Variants in AGPAT2 observed in about 807,000 individuals in gnomAD.
AGPAT2 encodes 1-acyl-sn-glycerol-3-phosphate acyltransferase beta.
A neutral mutation model predicts 26.1 loss-of-function variants in AGPAT2; 18 were observed. That is an observed-to-expected ratio of 0.69 (90% CI 0.48 to 1.02). The LOEUF is 1.02. Among genes scored for constraint, AGPAT2 ranks in the 50% least tolerant of loss-of-function variants. The pLI is 0.00. For missense variants in AGPAT2, 415 were observed against 394.9 expected (o/e 1.05, Z -0.43); for synonymous variants, 200 against 174.2 (o/e 1.15, Z -1.16).
In AGPAT2 at chr9:136,687,421, G is replaced by T. The variant is rs1433159266; in HGVS notation, c.-64C>A. On this transcript the variant is annotated 5_prime_UTR_variant, in exon 1 of 6. Transcript: ENST00000371696. ...CCGCTCCCGCTCCCGCTTCTCCCCC[G>T]CGCGCTCAGGCCCCTTATTGCGAGG... 7.5e-7 allele frequency: 1 copy of T among 1,330,738 alleles called. No homozygotes were observed. Among genetic ancestry groups the T allele is most frequent in the Non-Finnish European group, 9.6e-7 (1 of 1,036,572 alleles). 82.4% of individuals were successfully genotyped at this position (1,330,738 alleles called of 1,614,324 possible).
chr9:136,676,913 C>T lies in AGPAT2; in HGVS notation c.492+48G>A, dbSNP rs762163252. 4.5e-5 allele frequency: 68 copies of T among 1,494,590 alleles called. 1 individual carries two copies. The Admixed American group carries it at 5.5e-4, about 12-fold the overall frequency. 92.6% of individuals were successfully genotyped at this position (1,494,590 alleles called of 1,614,324 possible). ...TCACAAGCTGGCCCCTGCCTGGCCC[C>T]GCCCAGGCCCCACCCCAACCCCACC... On this transcript the variant is annotated intron_variant, in intron 3 of 5. Transcript: ENST00000371696.
rs199964729 is a variant in AGPAT2 at position 136,673,932 on chromosome 9, G to T, written c.662-5C>A. On this transcript the variant is annotated splice_polypyrimidine_tract_variant and splice_region_variant and intron_variant, in intron 5 of 5. Transcript: ENST00000371696. Reference sequence around the variant, plus strand: ...GCACCTGCACTGTGACTGTTCCTGTGGGGGAAGCAACAGACCTCAGTGGCC... The same window carrying T: ...GCACCTGCACTGTGACTGTTCCTGTTGGGGAAGCAACAGACCTCAGTGGCC... The T allele has an allele frequency of 6.4e-6, 10 of 1,554,600 alleles. No individual in the cohort carries two copies. In the African/African-American group the frequency reaches 6.8e-5, roughly 11 times the overall value.
At chr9:136,683,056 T>G in intron 1 of AGPAT2, among the ~76,000 whole-genome samples, 1 of 42,400 alleles carries the variant, frequency 2.4e-5, no homozygotes, top group African/African-American at 9.2e-5. Flanking sequence ...GTGATGGGGA[T>G]GACTAGGGGG....
chr9:136,684,978 C>T (rs780863587), intron 1 of AGPAT2, among the ~76,000 whole-genome samples: 2 of 152,174 alleles, frequency 1.3e-5, no homozygotes, highest in East Asian at 3.9e-4. Context: ...ACGGCCCCCA[C>T]GGAGGGAACG....
intron 1 of AGPAT2, among the ~76,000 whole-genome samples, chr9:136,683,014 G>A (rs564575725): frequency 6.7e-5 from 10 of 150,208 alleles, no homozygotes; most frequent in African/African-American, 2.2e-4. Context: ...GGGCACCATC[G>A]GGCCAGGGCA....
In AGPAT2 at chr9:136,676,283, C is replaced by T. The variant is rs745468113; in HGVS notation, c.588+302G>A. Among the ~76,000 whole-genome samples the T allele has an allele frequency of 5.9e-5, 9 of 152,164 alleles. 1 individual carries two copies. The highest frequency in any genetic ancestry group is 3.9e-4 in the Admixed American group (6 of 15,282). On this transcript the variant is annotated intron_variant, in intron 4 of 5. Coordinates refer to ENST00000371696, the MANE Select transcript of AGPAT2 (RefSeq NM_006412.4). ...CCTCCTGAGAGCTCTGCAGCAGAGG[C>T]GAGCGGCCCGGCTCCCCACCCCTCT...
rs576001545 is a variant in AGPAT2 at position 136,687,144 on chromosome 9, C to T, written c.182+32G>A. ...GGGAAGCGGAAGCGGCGCGGCGGTT[C>T]CCCGGCCCCTCCCGGCGGCCCCCGG... On this transcript the variant is annotated intron_variant, in intron 1 of 5. Transcript: ENST00000371696. 62 of 1,566,124 alleles carry T rather than the reference C, an allele frequency of 4.0e-5. No homozygotes were observed. The African/African-American group carries it at 7.9e-4, about 20-fold the overall frequency.
chr9:136,676,724 C>G (rs769960616), intron 3 of AGPAT2, 44 bp from the exon 4 acceptor site: 1 of 1,578,064 alleles, frequency 6.3e-7, no homozygotes, highest in South Asian at 1.1e-5. Context: ...GCCCAGGCCA[C>G]CCCAGAAAGG....
In AGPAT2 at chr9:136,674,736, TG is replaced by T; in HGVS notation, c.659del (p.Ser220Ter). 1 of 1,493,316 alleles carries T rather than the reference TG, an allele frequency of 6.7e-7. No individual in the cohort carries two copies. Among genetic ancestry groups the T allele is most frequent in the Non-Finnish European group, 9.0e-7 (1 of 1,115,518 alleles). 92.5% of individuals were successfully genotyped at this position (1,493,316 alleles called of 1,614,324 possible). Reference sequence around the variant, plus strand: ...CCGGGTGCACACATGTGGGGGTACCTGAAGTGAAGAACTTCTTCTTGGTGTT... The same window carrying T: ...CCGGGTGCACACATGTGGGGGTACCTAAGTGAAGAACTTCTTCTTGGTGTT... ...FYNTKKKFFT[S>X]GTVTVQVLEA... is the part of the protein sequence containing the mutation. On this transcript the variant is annotated frameshift_variant and splice_region_variant, in exon 5 of 6. Transcript: ENST00000371696. LOFTEE classifies it low-confidence loss of function (END_TRUNC).
intron 5 of AGPAT2, among the ~76,000 whole-genome samples, 180 bp downstream of exon 5, chr9:136,674,555 G>GGGCCATGA (rs947105402): frequency 1.3e-5 from 2 of 152,250 alleles, no homozygotes; most frequent in Admixed American, 1.3e-4. Flanking sequence ...CCATCTCACA[G>GGGCCATGA]GGCCATGAGG....
chr9:136,675,920 AGT>A (rs1846084692), intron 4 of AGPAT2, among the ~76,000 whole-genome samples: 1 of 152,130 alleles, frequency 6.6e-6, no homozygotes, highest in Non-Finnish European at 1.5e-5. Context: ...ACTAGTGGCC[AGT>A]GTGAGGGAAG....
Position 136,673,524 on chromosome 9 carries a change from G to A in AGPAT2, c.*228C>T, listed in dbSNP as rs1696537692. ...GCTCCCAGAGGTGCCGTGGGCGCGA[G>A]TCCCTGCCCTCGAGCCCGGGGAGGG... On this transcript the variant is annotated 3_prime_UTR_variant, in exon 6 of 6. Coordinates refer to ENST00000371696, the MANE Select transcript of AGPAT2 (RefSeq NM_006412.4). 2 of 431,920 alleles carry A rather than the reference G, an allele frequency of 4.6e-6. No individual in the cohort carries two copies. Among genetic ancestry groups the A allele is most frequent in the Non-Finnish European group, 8.1e-6 (2 of 248,330 alleles). 26.8% of individuals were successfully genotyped at this position (431,920 alleles called of 1,614,324 possible).
intron 1 of AGPAT2, among the ~76,000 whole-genome samples, chr9:136,679,133 G>A (rs568509532): frequency 3.1e-4 from 47 of 152,294 alleles, no homozygotes; most frequent in African/African-American, 9.6e-4. Context: ...GTTCATGGGC[G>A]CTGGGCACAT....
At chr9:136,678,183 T>G (rs987297052) in intron 1 of AGPAT2, among the ~76,000 whole-genome samples, 31 of 152,030 alleles carry the variant, frequency 2.0e-4, no homozygotes, top group Non-Finnish European at 2.1e-4. Context: ...GCTCGGGGCT[T>G]GTCTGAGGTC....
At chr9:136,676,515 G>T in intron 4 of AGPAT2, 70 bp downstream of exon 4, 1 of 1,294,140 alleles carries the variant, frequency 7.7e-7, no homozygotes, top group Non-Finnish European at 1.1e-6. Context: ...GTGGTCACCT[G>T]CTGCCTTAAG....
At chr9:136,674,714 G>A (rs747671693) in intron 5 of AGPAT2, 21 bp downstream of exon 5, 6 of 1,431,496 alleles carry the variant, frequency 4.2e-6, no homozygotes, top group Non-Finnish European at 5.5e-6. Flanking sequence ...CTACACCCCG[G>A]GTGCACACAT....
At chr9:136,674,873 T>A (rs530493471) in intron 4 of AGPAT2, 66 bp from the exon 5 acceptor site, 2 of 1,245,892 alleles carry the variant, frequency 1.6e-6, no homozygotes, top group African/African-American at 3.1e-5. Context: ...CCAGGCTGCA[T>A]GTGGTTGGGG....
chr9:136,679,484 GT>G (rs1247835931), intron 1 of AGPAT2, among the ~76,000 whole-genome samples: 6 of 152,130 alleles, frequency 3.9e-5, no homozygotes, highest in Admixed American at 1.3e-4. Context: ...GCCGGCCACC[GT>G]CCCCTCCCAC....
At chr9:136,674,349 G>C (rs904114620) in intron 5 of AGPAT2, among the ~76,000 whole-genome samples, 1 of 152,042 alleles carries the variant, frequency 6.6e-6, no homozygotes, top group Admixed American at 6.5e-5. Flanking sequence ...GGCTGGAAGG[G>C]GCAAGAGGTC....
Sources: allele counts gnomAD v4.1 joint callset (sites outside exome capture counted in the v4.1 genomes callset), GRCh38; gene constraint gnomAD v4.1.1; transcripts MANE v1.5; gene names NCBI Gene and HGNC (gene_info 2026-07-23, HGNC 2026-07-21).